PRPF6: variants seen among roughly 807,000 people sequenced by gnomAD.
PRPF6 encodes pre-mRNA processing factor 6, also known as pre-mRNA-processing factor 6.
A neutral mutation model predicts 118.3 loss-of-function variants in PRPF6; 42 were observed. The observed-to-expected ratio is 0.35, with a 90% CI of 0.28 to 0.46. The LOEUF (loss-of-function observed/expected upper bound fraction) is 0.46, where lower values mean the gene tolerates loss of function less well. Ranked by LOEUF, PRPF6 falls within the 20% of genes least tolerant of loss-of-function variation. The pLI is 1.00. For missense variants in PRPF6, 662 were observed against 1,255.7 expected (o/e 0.53, Z 7.15); for synonymous variants, 481 against 485.1 (o/e 0.99, Z 0.11).
chr20:63,984,068 C>G (rs976969958), intron 2 of PRPF6, among the ~76,000 whole-genome samples: 1 of 152,136 alleles, frequency 6.6e-6, no homozygotes, highest in Non-Finnish European at 1.5e-5. Flanking sequence ...TGACTGAATA[C>G]CGATTAACTG....
intron 3 of PRPF6, 108 bp downstream of exon 3, chr20:63,985,133 G>A: frequency 1.2e-6 from 1 of 849,356 alleles, no homozygotes. Context: ...AGAGGCTGAG[G>A]TAGGACGATA....
chr20:63,986,345 C>CA (rs931360870), intron 3 of PRPF6, among the ~76,000 whole-genome samples: 1,926 of 44,876 alleles, frequency 0.043, 64 homozygotes, highest in African/African-American at 0.1. Context: ...GACTCCATCT[C>CA]AAAAAAAAAA....
intron 12 of PRPF6, among the ~76,000 whole-genome samples, chr20:64,020,908 T>G (rs1362619782): frequency 1.3e-5 from 2 of 151,498 alleles, no homozygotes; most frequent in Non-Finnish European, 2.9e-5. Context: ...TGCCTCAGCC[T>G]CCCAAGTAGC....
intron 6 of PRPF6, among the ~76,000 whole-genome samples, chr20:63,997,993 C>T (rs375329651): frequency 1.2e-4 from 18 of 152,338 alleles, no homozygotes; most frequent in African/African-American, 4.3e-4. Context: ...GACACTTGGA[C>T]CACTTTCACC....
chr20:63,990,575 T>A (rs2059114178), intron 3 of PRPF6, among the ~76,000 whole-genome samples: 2 of 152,160 alleles, frequency 1.3e-5, no homozygotes, highest in South Asian at 4.2e-4. Context: ...GCTCAAGCGA[T>A]TCTCCTGCTT....
At chr20:64,006,847 A>G (rs1234953827) in intron 9 of PRPF6, among the ~76,000 whole-genome samples, 12 of 152,234 alleles carry the variant, frequency 7.9e-5, no homozygotes, top group African/African-American at 2.7e-4. Flanking sequence ...TGATGGGCAC[A>G]TGGTAAGACC....
At position 64,032,064 on chromosome 20, in the gene PRPF6, C is replaced by T. The variant is rs372354982; in HGVS notation, c.2673+20C>T. The stretch of plus-strand genomic sequence containing the variant: ...ACTGAGGTGAGGCCCCTCGACAGAC[C>T]GCCGCTCAGTGCCTTCTGGGACTGT... On this transcript the variant is annotated intron_variant, in intron 20 of 20. Coordinates refer to ENST00000266079, the MANE Select transcript of PRPF6 (RefSeq NM_012469.4). 75 of 1,613,482 alleles carry T rather than the reference C, an allele frequency of 4.6e-5. No homozygotes were observed. Among genetic ancestry groups the T allele is most frequent in the South Asian group, 5.5e-5 (5 of 91,078 alleles).
Position 64,016,754 on chromosome 20 carries a change from T to G in PRPF6, c.1556T>G (p.Val519Gly). The G allele has an allele frequency of 6.2e-7, 1 of 1,614,128 alleles. No individual in the cohort carries two copies. The highest frequency in any genetic ancestry group is 1.1e-5 in the South Asian group (1 of 91,080). Residue 519 changes from valine (V) to glycine (G), a missense_variant, in exon 12 of 21, where the codon GTG becomes GGG. Transcript: ENST00000266079. The stretch of plus-strand genomic sequence containing the variant: ...GAGGAATGTGACAGGGCTGGGAGTG[T>G]GGCCACCTGCCAGGCCGTCATGCGT... ...DAEECDRAGS[V>G]ATCQAVMRAV...
At position 64,032,856 on chromosome 20, in the gene PRPF6, G is replaced by A; in HGVS notation, c.2689G>A (p.Val897Met). ...QHGTEEQQEEVRKRCESAEPR... is the reference protein window; with the variant it reads ...QHGTEEQQEEMRKRCESAEPR... ...GTCCCCCCAGGAGCAGCAGGAGGAG[G>A]TGAGGAAGCGCTGTGAGAGTGCAGA... Residue 897 changes from valine (V) to methionine (M), a missense_variant, in exon 21 of 21, where the codon GTG (valine) becomes ATG (methionine). Val to Met is a conservative substitution (Grantham distance 21). Coordinates refer to ENST00000266079, the MANE Select transcript of PRPF6 (RefSeq NM_012469.4). The A allele has an allele frequency of 6.2e-7, 1 of 1,610,838 alleles. No individual in the cohort carries two copies. Among genetic ancestry groups the A allele is most frequent in the Non-Finnish European group, 8.5e-7 (1 of 1,179,096 alleles).
intron 9 of PRPF6, among the ~76,000 whole-genome samples, chr20:64,009,584 G>A (rs775863530): frequency 3.5e-4 from 53 of 152,198 alleles, no homozygotes; most frequent in Middle Eastern, 3.4e-3. Context: ...TTAGCCAGGC[G>A]TGGTGGTGCG....
chr20:64,033,060 G>T lies in PRPF6; in HGVS notation c.*67G>T. 1 of 1,599,080 alleles carries T rather than the reference G, an allele frequency of 6.3e-7. No homozygotes were observed. Among genetic ancestry groups the T allele is most frequent in the Non-Finnish European group, 8.5e-7 (1 of 1,170,518 alleles). ...GCCGCATGTGGAAGGGCTCTGAGCT[G>T]TGTCCTCCTTCATTAAAAGTTTTTA... On this transcript the variant is annotated 3_prime_UTR_variant, in exon 21 of 21. Coordinates refer to ENST00000266079, the MANE Select transcript of PRPF6 (RefSeq NM_012469.4).
chr20:64,021,378 T>G (rs1244100336), intron 12 of PRPF6, among the ~76,000 whole-genome samples: 1 of 150,094 alleles, frequency 6.7e-6, no homozygotes, highest in African/African-American at 2.5e-5. Flanking sequence ...TGTGCATGTA[T>G]GTATATGCCT....
chr20:63,995,924 G>A (rs901331441), intron 6 of PRPF6, among the ~76,000 whole-genome samples: 1 of 151,864 alleles, frequency 6.6e-6, no homozygotes, highest in Non-Finnish European at 1.5e-5. Context: ...CCCAAAATGC[G>A]GGGATTACAG....
At chr20:63,997,033 T>C (rs1340330171) in intron 6 of PRPF6, among the ~76,000 whole-genome samples, 1 of 152,188 alleles carries the variant, frequency 6.6e-6, no homozygotes, top group Non-Finnish European at 1.5e-5. Context: ...ACTGACATAA[T>C]TATGTTCATG....
intron 14 of PRPF6, 96 bp downstream of exon 14, chr20:64,024,789 C>G: frequency 2.7e-6 from 4 of 1,495,456 alleles, no homozygotes; most frequent in South Asian, 1.2e-5. Context: ...TACAATGTGG[C>G]ACGTGCTGTT....
intron 2 of PRPF6, 101 bp downstream of exon 2, chr20:63,983,316 T>C: frequency 1.4e-6 from 2 of 1,442,242 alleles, no homozygotes; most frequent in South Asian, 2.3e-5. Context: ...TTGGAGTGGC[T>C]CATGCATTTA....
In PRPF6 at chr20:64,026,036, G is replaced by A; in HGVS notation, c.2006G>A (p.Arg669Gln). The A allele has an allele frequency of 1.2e-6, 2 of 1,608,058 alleles. No individual in the cohort carries two copies. The highest frequency in any genetic ancestry group is 1.7e-6 in the Non-Finnish European group (2 of 1,179,884). ...ERARRLLAKA[R>Q]SSAPTARVFM... ...GCCCGGAGGCTGCTGGCCAAGGCGCGGAGCAGTGCCCCCACCGCCCGGGTA... is the reference window on the plus strand; with the variant it reads ...GCCCGGAGGCTGCTGGCCAAGGCGCAGAGCAGTGCCCCCACCGCCCGGGTA... The change falls in exon 15 of 21, where the codon CGG (arginine) becomes CAG (glutamine). Residue 669 changes from arginine (R) to glutamine (Q), a missense_variant. By Grantham distance (43) the Arg-to-Gln change is conservative (BLOSUM62 1). Coordinates refer to ENST00000266079, the MANE Select transcript of PRPF6 (RefSeq NM_012469.4). This position sits in a 1 kb window ranked among gnomAD's most constrained non-coding sequence, Gnocchi z 4.4.
At chr20:64,012,960 T>C (rs1196302071) in intron 11 of PRPF6, among the ~76,000 whole-genome samples, 4 of 148,400 alleles carry the variant, frequency 2.7e-5, no homozygotes, top group African/African-American at 1.0e-4. Context: ...CCACACCCTT[T>C]TTTTTTTTTT....
intron 3 of PRPF6, among the ~76,000 whole-genome samples, chr20:63,992,776 C>T (rs2122998409): frequency 6.6e-6 from 1 of 151,960 alleles, no homozygotes; most frequent in East Asian, 2.0e-4. Flanking sequence ...CTGTGTTGCC[C>T]AGGCTGGAGT....
Sources: gnomAD v4.1 joint callset for allele counts (sites outside exome capture counted in the v4.1 genomes callset) on GRCh38, gnomAD v4.1.1 for gene constraint, Gnocchi (gnomAD v3.1) non-coding constraint, MANE v1.5 for transcripts, NCBI Gene and HGNC (gene_info 2026-07-23, HGNC 2026-07-21) for gene names.